DLC1: variants seen among roughly 807,000 people sequenced by gnomAD.
DLC1 encodes rho GTPase-activating protein 7.
Under a neutral mutation model 140.3 loss-of-function variants are expected in DLC1, and 54 were observed. The observed-to-expected ratio is 0.38, with a 90% CI of 0.31 to 0.48. DLC1 has a LOEUF of 0.48. Among genes scored for constraint, DLC1 ranks in the 20% least tolerant of loss-of-function variants. The pLI is 0.96. For synonymous variants in DLC1, 986 were observed against 728.1 expected (o/e 1.35, Z -5.70); for missense variants, 2,536 against 1,907.0 (o/e 1.33, Z -6.14).
intron 5 of DLC1, among the ~76,000 whole-genome samples, chr8:13,161,616 C>G (rs555587096): frequency 2.6e-5 from 4 of 152,170 alleles, no homozygotes; most frequent in African/African-American, 9.7e-5. Flanking sequence ...GGATTACAAG[C>G]CCTTGATTCT....
intron 1 of DLC1, among the ~76,000 whole-genome samples, chr8:13,584,922 T>G (rs1171598590): frequency 6.6e-6 from 1 of 152,176 alleles, no homozygotes; most frequent in Non-Finnish European, 1.5e-5. Context: ...TCTTAATAAA[T>G]CTCTTACACC....
intron 5 of DLC1, among the ~76,000 whole-genome samples, chr8:13,149,141 A>G (rs973060793): frequency 1.3e-5 from 2 of 152,176 alleles, no homozygotes; most frequent in African/African-American, 4.8e-5. Context: ...GAATCAATCA[A>G]AATACAGAAG....
intron 1 of DLC1, among the ~76,000 whole-genome samples, chr8:13,502,191 T>A (rs1801849899): frequency 6.6e-6 from 1 of 152,208 alleles, no homozygotes; most frequent in Non-Finnish European, 1.5e-5. Context: ...AGTAGGTAAG[T>A]ATTTCTGTCA....
At chr8:13,275,246 C>T (rs1186161003) in intron 5 of DLC1, among the ~76,000 whole-genome samples, 2 of 152,174 alleles carry the variant, frequency 1.3e-5, no homozygotes, top group African/African-American at 2.4e-5. Flanking sequence ...TTATCACAAT[C>T]GCACACTTTA....
intron 1 of DLC1, among the ~76,000 whole-genome samples, chr8:13,570,146 T>C (rs910331943): frequency 1.3e-5 from 2 of 152,232 alleles, no homozygotes; most frequent in Non-Finnish European, 2.9e-5. Context: ...TAAGGTCACA[T>C]AGTGGTTCTT....
At chr8:13,470,145 C>G (rs1800140966) in intron 2 of DLC1, among the ~76,000 whole-genome samples, 1 of 152,056 alleles carries the variant, frequency 6.6e-6, no homozygotes, top group African/African-American at 2.4e-5. Flanking sequence ...TAAAATAATC[C>G]TTTGATACAG....
chr8:13,214,669 T>G (rs1313215207), intron 5 of DLC1: 1 of 780,678 alleles, frequency 1.3e-6, no homozygotes, highest in South Asian at 1.3e-5. Context: ...AAGCCTCTTC[T>G]GGGGAAAGGT....
chr8:13,261,604 C>T (rs79672682), intron 5 of DLC1, among the ~76,000 whole-genome samples: 1,833 of 152,134 alleles, frequency 0.012, 46 homozygotes, highest in African/African-American at 0.042. Flanking sequence ...AACACAGGTG[C>T]GAGGCAACCG....
chr8:13,156,329 T>C (rs748892923), intron 5 of DLC1, among the ~76,000 whole-genome samples: 1 of 152,044 alleles, frequency 6.6e-6, no homozygotes, highest in Non-Finnish European at 1.5e-5. Context: ...CCTGAGTACA[T>C]AGTTTTGTTT....
intron 2 of DLC1, among the ~76,000 whole-genome samples, chr8:13,474,883 T>G (rs1197499190): frequency 6.6e-6 from 1 of 152,210 alleles, no homozygotes; most frequent in East Asian, 1.9e-4. Context: ...GCTTTTGATT[T>G]TACAGGCTCA....
chr8:13,481,140 A>T (rs771558269), intron 2 of DLC1, among the ~76,000 whole-genome samples: 2 of 152,118 alleles, frequency 1.3e-5, no homozygotes, highest in African/African-American at 2.4e-5. Context: ...AAATCAACAA[A>T]TAGGCTGGGT....
intron 5 of DLC1, among the ~76,000 whole-genome samples, chr8:13,166,382 C>G (rs926704794): frequency 2.6e-5 from 4 of 151,984 alleles, no homozygotes; most frequent in African/African-American, 7.3e-5. Context: ...GCTCTGTATC[C>G]CAGGCTGGAG....
intron 5 of DLC1, among the ~76,000 whole-genome samples, chr8:13,274,561 C>A (rs576292934): frequency 6.6e-6 from 1 of 152,312 alleles, no homozygotes; most frequent in South Asian, 2.1e-4. Context: ...CATTAATTTA[C>A]ACTTGCTGTT....
chr8:13,412,042 T>A (rs879572816), intron 2 of DLC1, among the ~76,000 whole-genome samples: 1 of 152,162 alleles, frequency 6.6e-6, no homozygotes, highest in East Asian at 1.9e-4. Context: ...AAGAAAAGAT[T>A]GATAAATGTT....
chr8:13,296,235 C>T (rs1296841027), intron 5 of DLC1, among the ~76,000 whole-genome samples: 1 of 151,992 alleles, frequency 6.6e-6, no homozygotes, highest in Non-Finnish European at 1.5e-5. Flanking sequence ...TAATTACAGT[C>T]GTGAGCCACC....
At chr8:13,148,941 C>T (rs1255527125) in intron 5 of DLC1, among the ~76,000 whole-genome samples, 12 of 152,138 alleles carry the variant, frequency 7.9e-5, no homozygotes, top group African/African-American at 1.9e-4. Context: ...TACAGCTGCC[C>T]GTCACCACGC....
chr8:13,458,422 A>C (rs547279410), intron 2 of DLC1, among the ~76,000 whole-genome samples: 1 of 152,324 alleles, frequency 6.6e-6, no homozygotes, highest in East Asian at 1.9e-4. Flanking sequence ...TACTAATTGA[A>C]GTTTTGATTT....
At chr8:13,454,944 G>A (rs1363660336) in intron 2 of DLC1, among the ~76,000 whole-genome samples, 1 of 152,070 alleles carries the variant, frequency 6.6e-6, no homozygotes, top group Non-Finnish European at 1.5e-5. Flanking sequence ...AGATAAGCAT[G>A]TTTGGGACTT....
intron 4 of DLC1, among the ~76,000 whole-genome samples, chr8:13,318,666 C>T (rs1309051339): frequency 6.6e-6 from 1 of 152,174 alleles, no homozygotes; most frequent in African/African-American, 2.4e-5. Context: ...CTAGTTGGAA[C>T]ATGGGCTTAA....
Sources: allele counts gnomAD v4.1 joint callset (sites outside exome capture counted in the v4.1 genomes callset), GRCh38; gene constraint gnomAD v4.1.1; transcripts MANE v1.5; gene names NCBI Gene and HGNC (gene_info 2026-07-23, HGNC 2026-07-21).